CACNA1G: variants seen among roughly 807,000 people sequenced by gnomAD.
The protein encoded by CACNA1G is calcium voltage-gated channel subunit alpha1 G.
CACNA1G carries 67 observed loss-of-function variants against 219.4 expected under a neutral mutation model. The ratio of observed to expected loss-of-function variants is 0.31; its 90% CI spans 0.25 to 0.37. The LOEUF is 0.37. Among genes scored for constraint, CACNA1G ranks in the 10% least tolerant of loss-of-function variants. The pLI, the probability that CACNA1G is intolerant of heterozygous loss-of-function variation, is 1.00. For synonymous variants in CACNA1G, 1,296 were observed against 1,345.3 expected (o/e 0.96, Z 0.80); for missense variants, 2,380 against 3,231.4 (o/e 0.74, Z 6.39).
rs961041023 is a variant in CACNA1G, at chr17:50,569,519, A to G, written c.489-187A>G. Reference sequence around the variant, plus strand: ...ATTCTGCCCCCTTCTCTGATGGGCAATCTGTCCTTGTCTCGGGGTAGCCTT... The same window carrying G: ...ATTCTGCCCCCTTCTCTGATGGGCAGTCTGTCCTTGTCTCGGGGTAGCCTT... On this transcript the variant is annotated intron_variant, in intron 3 of 37. Transcript: ENST00000359106. Among the ~76,000 whole-genome samples the G allele has an allele frequency of 6.8e-4, 103 of 151,814 alleles. No homozygotes were observed. In the Middle Eastern group the frequency reaches 0.01, roughly 15 times the overall value.
chr17:50,592,407 G>T (rs1274491259), intron 13 of CACNA1G, among the ~76,000 whole-genome samples: 1 of 152,176 alleles, frequency 6.6e-6, no homozygotes, highest in Non-Finnish European at 1.5e-5. Context: ...CTGTGGTGCA[G>T]CTGGACTCCT....
At chr17:50,583,866 G>A (rs1021967496) in intron 9 of CACNA1G, among the ~76,000 whole-genome samples, 8 of 152,198 alleles carry the variant, frequency 5.3e-5, no homozygotes. Context: ...GCTGGGTGGA[G>A]GAGGGCCTAG....
intron 19 of CACNA1G, among the ~76,000 whole-genome samples, chr17:50,601,829 T>C (rs1041564767): frequency 7.9e-5 from 12 of 152,184 alleles, no homozygotes; most frequent in Middle Eastern, 3.4e-3. Context: ...GGTGGTTGTG[T>C]TTCCGCTCAC....
At chr17:50,624,209 T>C in intron 36 of CACNA1G, 134 bp downstream of exon 36, 7 of 1,283,500 alleles carry the variant, frequency 5.5e-6, no homozygotes, top group Non-Finnish European at 7.6e-6. Flanking sequence ...GCCTCCAGCC[T>C]GGGGGAATGG....
At position 50,583,401 on chromosome 17, in the gene CACNA1G, A is replaced by G. The variant is rs186959403; in HGVS notation, c.2301+4837A>G. On this transcript the variant is annotated intron_variant, in intron 9 of 37. Transcript: ENST00000359106. Reference sequence around the variant, plus strand: ...CCAGTTCTGCAAACAAGGGGAGCATATCCTGTGCACAGCACACTAGAATAG... The same window carrying G: ...CCAGTTCTGCAAACAAGGGGAGCATGTCCTGTGCACAGCACACTAGAATAG... 2.2e-3 allele frequency among the ~76,000 whole-genome samples: 338 copies of G among 152,328 alleles called. 2 individuals carry two copies. The highest frequency in any genetic ancestry group is 7.9e-3 in the African/African-American group (327 of 41,568).
chr17:50,562,592 G>A (rs1373308987), intron 1 of CACNA1G, among the ~76,000 whole-genome samples: 4 of 152,112 alleles, frequency 2.6e-5, no homozygotes, highest in Non-Finnish European at 5.9e-5. Context: ...TTTAGCAAGT[G>A]GGGGATGGGG....
intron 7 of CACNA1G, chr17:50,573,526 A>G (rs1488014365): frequency 6.2e-6 from 1 of 161,002 alleles, no homozygotes; most frequent in African/African-American, 2.4e-5. Flanking sequence ...CATCCCTTTG[A>G]ATGAATCCAG....
chr17:50,596,901 C>T lies in CACNA1G; in HGVS notation c.3236C>T (p.Ala1079Val), dbSNP rs750912303. Residue 1079 changes from alanine (A) to valine (V), a missense_variant, in exon 16 of 38, where the codon GCG becomes GTG. Coordinates refer to ENST00000359106, the MANE Select transcript of CACNA1G (RefSeq NM_018896.5). This position sits in a 1 kb window ranked among gnomAD's most constrained non-coding sequence, Gnocchi z 4.8. ...AGCAGCGGGTCGGCAGAGCCTGGGG[C>T]GGCCCACGAGATGAAGTCACCGGTA... ...TSSSGSAEPGAAHEMKSPPSA... is the reference protein window; with the variant it reads ...TSSSGSAEPGVAHEMKSPPSA... 15 of 1,569,650 alleles carry T rather than the reference C, an allele frequency of 9.6e-6. No individual in the cohort carries two copies. The highest frequency in any genetic ancestry group is 4.6e-5 in the East Asian group (2 of 43,072).
At chr17:50,608,255 G>A (rs1455642359) in intron 25 of CACNA1G, among the ~76,000 whole-genome samples, 1 of 152,066 alleles carries the variant, frequency 6.6e-6, no homozygotes, top group African/African-American at 2.4e-5. Flanking sequence ...GGGCCTCCCA[G>A]GACCTCAGCA....
intron 10 of CACNA1G, 114 bp downstream of exon 10, chr17:50,590,736 C>A: frequency 1.1e-6 from 1 of 915,140 alleles, no homozygotes; most frequent in Non-Finnish European, 1.7e-6. Flanking sequence ...AGTCAGGCCC[C>A]ACTGACCCCA....
chr17:50,561,827 G>GA (rs1449663821), intron 1 of CACNA1G, 126 bp downstream of exon 1: 1 of 775,178 alleles, frequency 1.3e-6, no homozygotes, highest in Admixed American at 3.3e-5. Context: ...TAGGCGGATG[G>GA]GGGGGGGGCT....
Position 50,601,600 on chromosome 17 carries a change from T to TAG in CACNA1G, c.3915+428_3915+429dup, listed in dbSNP as rs2046644381. ...GTCATCCTTCCAGGTCAAAACCAAG[T>TAG]AGATTTTCAGGGGCCATAGTGGGGA... is the stretch of plus-strand genomic sequence containing the variant. On this transcript the variant is annotated intron_variant, in intron 19 of 37. Coordinates refer to ENST00000359106, the MANE Select transcript of CACNA1G (RefSeq NM_018896.5). 2.0e-5 allele frequency among the ~76,000 whole-genome samples: 3 copies of TAG among 152,052 alleles called. No individual in the cohort carries two copies. In the South Asian group the frequency reaches 6.2e-4, roughly 32 times the overall value.
intron 26 of CACNA1G, among the ~76,000 whole-genome samples, chr17:50,614,790 A>G (rs1280796218): frequency 6.6e-6 from 1 of 152,194 alleles, no homozygotes; most frequent in African/African-American, 2.4e-5. Flanking sequence ...ATGAGGGTAC[A>G]GGAGGCCCAG....
At chr17:50,613,863 C>T (rs1028476219) in intron 26 of CACNA1G, among the ~76,000 whole-genome samples, 3 of 152,080 alleles carry the variant, frequency 2.0e-5, no homozygotes, top group Non-Finnish European at 2.9e-5. Flanking sequence ...GTGGATGACC[C>T]GTAGCCTCCT....
intron 9 of CACNA1G, among the ~76,000 whole-genome samples, chr17:50,586,875 G>T (rs776755555): frequency 2.0e-5 from 3 of 152,258 alleles, no homozygotes; most frequent in African/African-American, 7.2e-5. Context: ...CAAGGTGACA[G>T]CCGGAGGGGA....
intron 35 of CACNA1G, among the ~76,000 whole-genome samples, chr17:50,623,263 ATTTTTTT>A (rs35058899): frequency 6.5e-4 from 33 of 50,982 alleles, no homozygotes; most frequent in East Asian, 4.9e-3. Context: ...TATCCAGCTA[ATTTTTTT>A]TTTTTTTTTT....
rs200141555 is a variant in CACNA1G, at chr17:50,626,327, C to T, written c.6710C>T (p.Pro2237Leu). The T allele has an allele frequency of 5.0e-6, 8 of 1,613,302 alleles. No homozygotes were observed. The South Asian group carries it at 8.8e-5, about 18-fold the overall frequency. ...CTGCCCCCTGGCGGCCAGGAGGAGC[C>T]CCCATCCCCACGGGACCTGAAGAAG... Reference protein sequence around the residue: ...DLLPPGGQEEPPSPRDLKKCY... With the variant: ...DLLPPGGQEELPSPRDLKKCY... Residue 2237 changes from proline to leucine, a missense_variant, in exon 38 of 38, where the codon CCC (proline) becomes CTC (leucine). Coordinates refer to ENST00000359106, the MANE Select transcript of CACNA1G (RefSeq NM_018896.5). This position sits in a 1 kb window ranked among gnomAD's most constrained non-coding sequence, Gnocchi z 4.3.
At chr17:50,619,629 C>A in intron 33 of CACNA1G, 54 bp from the exon 34 acceptor site, 3 of 1,564,678 alleles carry the variant, frequency 1.9e-6, no homozygotes, top group Non-Finnish European at 2.6e-6. Context: ...CATCACTGCC[C>A]TCTGACCCCT....
Position 50,591,788 on chromosome 17 carries a change from G to A in CACNA1G, c.2689G>A (p.Gly897Arg). 1 of 1,613,976 alleles carries A rather than the reference G, an allele frequency of 6.2e-7. No homozygotes were observed. The highest frequency in any genetic ancestry group is 8.5e-7 in the Non-Finnish European group (1 of 1,179,870). The change falls in exon 12 of 38, where the codon GGG becomes AGG. Residue 897 changes from glycine to arginine, a missense_variant. Transcript: ENST00000359106. ...FGCKFASERD[G>R]DTLPDRKNFD... ...CTGCAAGTTTGCCTCTGAGCGGGAT[G>A]GGGACACCCTGCCAGACCGGAAGAA...
Sources: gnomAD v4.1 joint callset for allele counts (sites outside exome capture counted in the v4.1 genomes callset) on GRCh38, gnomAD v4.1.1 for gene constraint, Gnocchi (gnomAD v3.1) non-coding constraint, MANE v1.5 for transcripts, NCBI Gene and HGNC (gene_info 2026-07-23, HGNC 2026-07-21) for gene names.